NALCN: variants seen among roughly 807,000 people sequenced by gnomAD.
NALCN encodes sodium leak channel NALCN.
In NALCN, 111 loss-of-function variants were observed where a neutral mutation model predicts 225.3. That is an observed-to-expected ratio of 0.49 (90% CI 0.42 to 0.58). The LOEUF (loss-of-function observed/expected upper bound fraction) is 0.58. Ranked by LOEUF, NALCN falls within the 20% of genes least tolerant of loss-of-function variation. NALCN has a pLI of 0.00. For synonymous variants in NALCN, 764 were observed against 769.0 expected (o/e 0.99, Z 0.11); for missense variants, 1,378 against 2,202.4 (o/e 0.63, Z 7.49).
At chr13:101,379,194 A>G (rs933889663) in intron 3 of NALCN, among the ~76,000 whole-genome samples, 3 of 152,236 alleles carry the variant, frequency 2.0e-5, no homozygotes, top group Non-Finnish European at 4.4e-5. Context: ...TTTAATGGTG[A>G]TCATTAAAAA....
At chr13:101,184,741 T>C (rs1416878119) in intron 14 of NALCN, among the ~76,000 whole-genome samples, 1 of 152,206 alleles carries the variant, frequency 6.6e-6, no homozygotes, top group Non-Finnish European at 1.5e-5. Flanking sequence ...GAGGGCAGCC[T>C]TGTCATTCAC....
At chr13:101,058,423 G>GTTTTT in intron 42 of NALCN, 4 of 190,520 alleles carry the variant, frequency 2.1e-5, no homozygotes, top group South Asian at 1.0e-4. Flanking sequence ...GGGCTGGGCG[G>GTTTTT]GGGCAGTCTA....
At chr13:101,229,726 T>G (rs2041274814) in intron 12 of NALCN, 142 bp from the exon 13 acceptor site, 1 of 644,014 alleles carries the variant, frequency 1.6e-6, no homozygotes. Context: ...TGACTAAAAT[T>G]AACAATAGAA....
At chr13:101,202,101 C>G (rs1461280358) in intron 13 of NALCN, among the ~76,000 whole-genome samples, 2 of 152,206 alleles carry the variant, frequency 1.3e-5, no homozygotes, top group African/African-American at 4.8e-5. Context: ...GAAAAACCCA[C>G]TGACCTCATA....
At position 101,296,339 on chromosome 13, in the gene NALCN, T is replaced by C. The variant is rs189320422; in HGVS notation, c.800-3973A>G. On this transcript the variant is annotated intron_variant, in intron 7 of 43. Transcript: ENST00000251127. ...ATTTCTCAAATATTTGCTTTTTGAT[T>C]AATTCTTCCTCAATATTAATACTGC... Among the ~76,000 whole-genome samples the C allele has an allele frequency of 1.5e-4, 23 of 152,352 alleles. No homozygotes were observed. In the East Asian group the frequency reaches 2.5e-3, roughly 17 times the overall value.
intron 20 of NALCN, among the ~76,000 whole-genome samples, chr13:101,109,224 G>A (rs2035301039): frequency 6.6e-6 from 1 of 152,130 alleles, no homozygotes; most frequent in Admixed American, 6.5e-5. Context: ...AAGTTGCGCA[G>A]GCCATATGTT....
chr13:101,369,166 A>ATGTG (rs56739782), intron 6 of NALCN, among the ~76,000 whole-genome samples: 5,557 of 146,390 alleles, frequency 0.038, 231 homozygotes, highest in East Asian at 0.2. Context: ...GACAAAATAA[A>ATGTG]TGTGTGTGTG....
Position 101,186,064 on chromosome 13 carries a change from G to T in NALCN, c.1764+5853C>A, listed in dbSNP as rs186051574. Among the ~76,000 whole-genome samples the T allele has an allele frequency of 2.1e-3, 324 of 152,350 alleles. 1 individual carries two copies. The highest frequency in any genetic ancestry group is 6.8e-3 in the Middle Eastern group (2 of 294). ...GTTTTTAGGGGCATGCAATGTGTGT[G>T]TAACACAGACCTGTCACCCTCACGC... On this transcript the variant is annotated intron_variant, in intron 14 of 43. Coordinates refer to ENST00000251127, the MANE Select transcript of NALCN (RefSeq NM_052867.4).
intron 1 of NALCN, among the ~76,000 whole-genome samples, chr13:101,412,880 A>C (rs1277046203): frequency 6.6e-6 from 1 of 152,154 alleles, no homozygotes; most frequent in East Asian, 1.9e-4. Context: ...ACAACAGCCA[A>C]TTTTCTAAAG....
intron 7 of NALCN, among the ~76,000 whole-genome samples, chr13:101,327,336 T>G (rs1332821750): frequency 6.6e-5 from 10 of 152,162 alleles, no homozygotes; most frequent in Non-Finnish European, 2.9e-5. Flanking sequence ...GATAATTATT[T>G]TTCTCCTTCT....
At chr13:101,340,411 C>G (rs1463844468) in intron 7 of NALCN, among the ~76,000 whole-genome samples, 1 of 152,196 alleles carries the variant, frequency 6.6e-6, no homozygotes, top group South Asian at 2.1e-4. Context: ...ATATCTATGT[C>G]CTGCCCTCCC....
At position 101,191,417 on chromosome 13, in the gene NALCN, T is replaced by A. The variant is rs2039674737; in HGVS notation, c.1764+500A>T. Among the ~76,000 whole-genome samples the A allele has an allele frequency of 2.0e-5, 3 of 152,202 alleles. No homozygotes were observed. In the South Asian group the frequency reaches 6.2e-4, roughly 31 times the overall value. On this transcript the variant is annotated intron_variant, in intron 14 of 43. Transcript: ENST00000251127. Reference sequence around the variant, plus strand: ...CAATACTTGCAGCAATGTGTTTTATTTTTTTCCATGTGTTTTTTTCCAGTC... The same window carrying A: ...CAATACTTGCAGCAATGTGTTTTATATTTTTCCATGTGTTTTTTTCCAGTC...
intron 18 of NALCN, among the ~76,000 whole-genome samples, chr13:101,113,706 G>GGGCTC (rs891543778): frequency 1.3e-5 from 2 of 152,120 alleles, no homozygotes; most frequent in Non-Finnish European, 2.9e-5. Context: ...TGATATAAAT[G>GGGCTC]GGCTCTGAAA....
At chr13:101,109,561 T>C (rs1212817920) in intron 20 of NALCN, among the ~76,000 whole-genome samples, 1 of 152,216 alleles carries the variant, frequency 6.6e-6, no homozygotes, top group Non-Finnish European at 1.5e-5. Flanking sequence ...AACTTTCTCT[T>C]GCTAGCCCTC....
intron 6 of NALCN, among the ~76,000 whole-genome samples, chr13:101,370,168 A>G (rs17583943): frequency 6.6e-6 from 1 of 152,030 alleles, no homozygotes; most frequent in Admixed American, 6.5e-5. Context: ...TATCCTCTTT[A>G]CCTTTCTCAT....
intron 6 of NALCN, among the ~76,000 whole-genome samples, chr13:101,348,601 G>T (rs2045815365): frequency 6.6e-6 from 1 of 151,978 alleles, no homozygotes; most frequent in Non-Finnish European, 1.5e-5. Context: ...TAATGATTAT[G>T]ATTTTTTAAA....
chr13:101,224,203 G>T (rs2041051997), intron 13 of NALCN, among the ~76,000 whole-genome samples: 1 of 152,088 alleles, frequency 6.6e-6, no homozygotes, highest in Admixed American at 6.5e-5. Flanking sequence ...CCTAAATCCT[G>T]GAGGAAAAGG....
At chr13:101,222,893 A>G (rs184516083) in intron 13 of NALCN, among the ~76,000 whole-genome samples, 4 of 152,320 alleles carry the variant, frequency 2.6e-5, no homozygotes, top group African/African-American at 9.6e-5. Flanking sequence ...CATGGCAAAG[A>G]ACATCAGACA....
intron 20 of NALCN, among the ~76,000 whole-genome samples, chr13:101,109,704 C>T (rs932418173): frequency 1.9e-4 from 29 of 152,210 alleles, no homozygotes; most frequent in African/African-American, 6.5e-4. Context: ...TTTCCCAAAC[C>T]TTTCATTGTA....
Sources: gnomAD v4.1 joint callset for allele counts (sites outside exome capture counted in the v4.1 genomes callset) on GRCh38, gnomAD v4.1.1 for gene constraint, MANE v1.5 for transcripts, NCBI Gene and HGNC (gene_info 2026-07-23, HGNC 2026-07-21) for gene names.